GRIK5: variants seen among roughly 807,000 people sequenced by gnomAD.
The protein encoded by GRIK5 is glutamate ionotropic receptor kainate type subunit 5.
Under a neutral mutation model 97.4 loss-of-function variants are expected in GRIK5, and 43 were observed. That is an observed-to-expected ratio of 0.44 (90% CI 0.35 to 0.57). GRIK5 has a LOEUF of 0.57. Among genes scored for constraint, GRIK5 ranks in the 20% least tolerant of loss-of-function variants. The pLI is 0.01. For synonymous variants in GRIK5, 580 were observed against 583.5 expected (o/e 0.99, Z 0.09); for missense variants, 1,015 against 1,382.0 (o/e 0.73, Z 4.21).
Position 42,003,940 on chromosome 19 carries a change from C to T in GRIK5, c.2264-257G>A, listed in dbSNP as rs1345790599. ...GCTTCCTGTTGCAAGCTCCTCCCCTCGGCCACTCTCAGACACCCTCACCCC... is the reference window on the plus strand; with the variant it reads ...GCTTCCTGTTGCAAGCTCCTCCCCTTGGCCACTCTCAGACACCCTCACCCC... On this transcript the variant is annotated intron_variant, in intron 17 of 19. Coordinates refer to ENST00000593562, the MANE Select transcript of GRIK5 (RefSeq NM_002088.5). This position sits in a 1 kb window ranked among gnomAD's most constrained non-coding sequence, Gnocchi z 4.2. Among the ~76,000 whole-genome samples the T allele has an allele frequency of 6.6e-6, 1 of 152,158 alleles. No homozygotes were observed. Among genetic ancestry groups the T allele is most frequent in the African/African-American group, 2.4e-5 (1 of 41,416 alleles).
chr19:42,050,100 T>C (rs1463824017), intron 11 of GRIK5, among the ~76,000 whole-genome samples: 1 of 152,050 alleles, frequency 6.6e-6, no homozygotes, highest in Admixed American at 6.5e-5. Context: ...CAGCTAATTT[T>C]TGTATTTTTA....
chr19:42,003,560 G>A lies in GRIK5; in HGVS notation c.2387C>T (p.Ala796Val), dbSNP rs1555871618. ...GRCPKEEDHR[A>V]KGLGMENIGG... is the part of the protein sequence containing the mutation. ...CACCATACGCGGGAACTGACCTTTAGCTCGATGGTCCTCCTCCTTGGGGCA... is the reference window on the plus strand; with the variant it reads ...CACCATACGCGGGAACTGACCTTTAACTCGATGGTCCTCCTCCTTGGGGCA... Residue 796 changes from alanine to valine, a missense_variant, in exon 18 of 20, where the codon GCT (alanine) becomes GTT (valine). Physicochemically the swap from Ala to Val is moderately conservative, Grantham distance 64 (BLOSUM62 0). Coordinates refer to ENST00000593562, the MANE Select transcript of GRIK5 (RefSeq NM_002088.5). This position sits in a 1 kb window ranked among gnomAD's most constrained non-coding sequence, Gnocchi z 4.2. 3 of 1,610,678 alleles carry A rather than the reference G, an allele frequency of 1.9e-6. No homozygotes were observed. Among genetic ancestry groups the A allele is most frequent in the Non-Finnish European group, 2.5e-6 (3 of 1,178,126 alleles).
At chr19:42,053,544 G>C in intron 11 of GRIK5, 58 bp downstream of exon 11, 1 of 1,017,112 alleles carries the variant, frequency 9.8e-7, no homozygotes, top group East Asian at 2.4e-5. Flanking sequence ...CTCACGGTGG[G>C]AGCTAGGACT....
intron 12 of GRIK5, among the ~76,000 whole-genome samples, chr19:42,023,515 A>T (rs2075729100): frequency 6.6e-6 from 1 of 152,200 alleles, no homozygotes; most frequent in South Asian, 2.1e-4. Context: ...TGGTGGCCAC[A>T]TCCTCATTTC....
chr19:42,020,761 C>G (rs2075686397), intron 15 of GRIK5, among the ~76,000 whole-genome samples: 1 of 152,164 alleles, frequency 6.6e-6, no homozygotes, highest in South Asian at 2.1e-4. Context: ...GGAAGTTAAC[C>G]TATATGGTCT....
rs2075401740 is a variant in GRIK5 at position 41,998,838 on chromosome 19, T to C, written c.*33A>G. 2 of 1,087,206 alleles carry C rather than the reference T, an allele frequency of 1.8e-6. No homozygotes were observed. The highest frequency in any genetic ancestry group is 3.4e-5 in the African/African-American group (2 of 59,638). The allele number at this position is 1,087,206 out of a possible 1,614,324, so 67.3% of individuals were successfully genotyped here. A position where few individuals can be genotyped will look rare whatever the true frequency, so the allele number is the denominator to read the frequency against. ...CCTGGGGCGGGCCCCGTCCCTTCGG[T>C]CAGTCCGGGCGCCCGCACAGCCCCG... On this transcript the variant is annotated 3_prime_UTR_variant, in exon 20 of 20. Coordinates refer to ENST00000593562, the MANE Select transcript of GRIK5 (RefSeq NM_002088.5).
chr19:42,066,023 C>T (rs1034561448), intron 1 of GRIK5, among the ~76,000 whole-genome samples: 13 of 152,094 alleles, frequency 8.5e-5, no homozygotes, highest in African/African-American at 3.1e-4. Context: ...AGGGGCACTA[C>T]CAGGGTGGAG....
rs971623599 is a variant in GRIK5 at position 42,065,554 on chromosome 19, G to C, written c.79+138C>G. 2 of 980,846 alleles carry C rather than the reference G, an allele frequency of 2.0e-6. No individual in the cohort carries two copies. Among genetic ancestry groups the C allele is most frequent in the African/African-American group, 1.6e-5 (1 of 61,234 alleles). 60.8% of individuals were successfully genotyped at this position (980,846 alleles called of 1,614,324 possible). ...AGGGGTCTGGACTCCTGGGTCCTGG[G>C]GGAAGGAGGAACTGGAGGCTGGGAT... On this transcript the variant is annotated intron_variant, in intron 2 of 19. Transcript: ENST00000593562. This position sits in a 1 kb window ranked among gnomAD's most constrained non-coding sequence, Gnocchi z 5.8.
intron 8 of GRIK5, among the ~76,000 whole-genome samples, chr19:42,055,367 G>A (rs945853575): frequency 4.6e-5 from 7 of 152,216 alleles, no homozygotes; most frequent in South Asian, 2.1e-4. Context: ...TGCTCTGCGC[G>A]TAGAAGTGTC....
intron 11 of GRIK5, among the ~76,000 whole-genome samples, chr19:42,050,535 G>A (rs2076101235): frequency 6.6e-6 from 1 of 151,808 alleles, no homozygotes; most frequent in African/African-American, 2.4e-5. Flanking sequence ...ACGGGCGCCT[G>A]TAGTCCCAGC....
chr19:42,045,861 G>A (rs1471111482), intron 11 of GRIK5, among the ~76,000 whole-genome samples: 1 of 152,142 alleles, frequency 6.6e-6, no homozygotes, highest in Non-Finnish European at 1.5e-5. Flanking sequence ...AGTAGTAAGT[G>A]GCTGAGAAGG....
rs550092163 is a variant in GRIK5, at chr19:42,006,006, C to T, written c.2038-58G>A. 1.3e-5 allele frequency: 11 copies of T among 859,970 alleles called. No individual in the cohort carries two copies. In the South Asian group the frequency reaches 1.6e-4, roughly 12 times the overall value. The allele number at this position is 859,970 out of a possible 1,614,324, so 53.3% of individuals were successfully genotyped here. On this transcript the variant is annotated intron_variant, in intron 16 of 19. Coordinates refer to ENST00000593562, the MANE Select transcript of GRIK5 (RefSeq NM_002088.5). This position sits in a 1 kb window ranked among gnomAD's most constrained non-coding sequence, Gnocchi z 5.3. ...GGGTCTTTCCAGCCGCTTCCTTTCC[C>T]CGAGCCCTTCCCATCCTCCAGGAAG...
At position 42,003,780 on chromosome 19, in the gene GRIK5, C is replaced by T. The variant is rs2075454321; in HGVS notation, c.2264-97G>A. On this transcript the variant is annotated intron_variant, in intron 17 of 19. Transcript: ENST00000593562. This position sits in a 1 kb window ranked among gnomAD's most constrained non-coding sequence, Gnocchi z 4.2. ...TGCCCTCACCACGGCCTTCCCCCGC[C>T]TCTACCACGTGCCCAGGGTCTTCCC... The T allele has an allele frequency of 7.4e-7, 1 of 1,345,504 alleles. No homozygotes were observed. The highest frequency in any genetic ancestry group is 9.9e-7 in the Non-Finnish European group (1 of 1,009,040). The allele number at this position is 1,345,504 out of a possible 1,614,324, so 83.3% of individuals were successfully genotyped here.
chr19:42,041,579 G>A (rs2075977922), intron 12 of GRIK5, among the ~76,000 whole-genome samples: 1 of 152,056 alleles, frequency 6.6e-6, no homozygotes, highest in Admixed American at 6.5e-5. Flanking sequence ...TCAAATCTAG[G>A]AGTGTCTGAC....
intron 12 of GRIK5, among the ~76,000 whole-genome samples, chr19:42,035,862 T>G (rs1199821773): frequency 6.6e-6 from 1 of 152,206 alleles, no homozygotes; most frequent in Non-Finnish European, 1.5e-5. Flanking sequence ...GTATTACATA[T>G]ATAAACAGAA....
At chr19:42,045,562 T>A (rs1320705506) in intron 11 of GRIK5, among the ~76,000 whole-genome samples, 1 of 152,168 alleles carries the variant, frequency 6.6e-6, no homozygotes, top group Non-Finnish European at 1.5e-5. Context: ...CACACAGTAA[T>A]AGAATCTCCT....
At position 42,034,109 on chromosome 19, in the gene GRIK5, C is replaced by T. The variant is rs140784876; in HGVS notation, c.1473+8443G>A. Among the ~76,000 whole-genome samples, 149 of 152,326 alleles carry T rather than the reference C, an allele frequency of 9.8e-4. 1 individual carries two copies. Among genetic ancestry groups the T allele is most frequent in the Admixed American group, 4.0e-3 (61 of 15,300 alleles). On this transcript the variant is annotated intron_variant, in intron 12 of 19. Transcript: ENST00000593562. The stretch of plus-strand genomic sequence containing the variant: ...AGGCATGGTGGCTTACACCTGTAAT[C>T]TCAGCACTTCAGGAGGTCGAGGCAG...
intron 12 of GRIK5, among the ~76,000 whole-genome samples, chr19:42,038,984 C>T (rs771792532): frequency 1.3e-5 from 2 of 152,148 alleles, no homozygotes; most frequent in Non-Finnish European, 2.9e-5. Context: ...GAGGAATGCT[C>T]TCCCTCCTGT....
Position 42,053,937 on chromosome 19 carries a change from G to A in GRIK5, c.1057-8C>T, listed in dbSNP as rs2076148459. Reference sequence around the variant, plus strand: ...CAGCCCATCATACTCTACCTGGCAGGGTGGGGAGGTGGGGCAGAGGGAGAG... The same window carrying A: ...CAGCCCATCATACTCTACCTGGCAGAGTGGGGAGGTGGGGCAGAGGGAGAG... On this transcript the variant is annotated splice_region_variant and splice_polypyrimidine_tract_variant and intron_variant, in intron 9 of 19. Transcript: ENST00000593562. 1 of 1,586,418 alleles carries A rather than the reference G, an allele frequency of 6.3e-7. No individual in the cohort carries two copies.
Sources: allele counts gnomAD v4.1 joint callset (sites outside exome capture counted in the v4.1 genomes callset), GRCh38; gene constraint gnomAD v4.1.1; non-coding constraint Gnocchi (gnomAD v3.1); transcripts MANE v1.5; gene names NCBI Gene and HGNC (gene_info 2026-07-23, HGNC 2026-07-21).